HSD17B2: variants seen among roughly 807,000 people sequenced by gnomAD.
HSD17B2 encodes the protein 17-beta-hydroxysteroid dehydrogenase type 2.
HSD17B2 carries 32 observed loss-of-function variants against 26.9 expected under a neutral mutation model. The ratio of observed to expected loss-of-function variants is 1.19; its 90% CI spans 0.90 to 1.60. The LOEUF is 1.60. HSD17B2 is among the 40% of genes most tolerant of loss of function. The pLI is 0.00. For synonymous variants in HSD17B2, 246 were observed against 186.7 expected (o/e 1.32, Z -2.59); for missense variants, 613 against 468.6 (o/e 1.31, Z -2.85).
At chr16:82,091,825 G>A (rs966033234) in intron 4 of HSD17B2, 1 of 152,194 alleles carries the variant, frequency 6.6e-6, no homozygotes, top group Non-Finnish European at 1.5e-5. Flanking sequence ...CTCCATGTAT[G>A]GCTTCACCCC....
At chr16:82,080,275 G>A (rs1018067481) in intron 3 of HSD17B2, among the ~76,000 whole-genome samples, 3 of 152,186 alleles carry the variant, frequency 2.0e-5, no homozygotes, top group Admixed American at 6.5e-5. Flanking sequence ...GTTACCTCAC[G>A]TGGCAAATGG....
At chr16:82,038,004 T>A (rs1178313259) in intron 1 of HSD17B2, among the ~76,000 whole-genome samples, 4 of 152,248 alleles carry the variant, frequency 2.6e-5, no homozygotes, top group Non-Finnish European at 5.9e-5. Context: ...TTTTCTCTCC[T>A]GGATTTCAAA....
chr16:82,097,009 T>G (rs28720979), intron 4 of HSD17B2: 6 of 151,956 alleles, frequency 3.9e-5, no homozygotes, highest in African/African-American at 1.4e-4. Context: ...TGTTTTGTTT[T>G]TTTTTTTCTT....
intron 1 of HSD17B2, among the ~76,000 whole-genome samples, chr16:82,051,833 A>C (rs1231219910): frequency 6.6e-6 from 1 of 152,236 alleles, no homozygotes; most frequent in Non-Finnish European, 1.5e-5. Flanking sequence ...GATAATTAAC[A>C]TCTCAGAGCC....
intron 1 of HSD17B2, among the ~76,000 whole-genome samples, chr16:82,055,092 C>G (rs1029783110): frequency 3.9e-5 from 6 of 152,228 alleles, no homozygotes; most frequent in African/African-American, 1.4e-4. Context: ...CAGACATTGT[C>G]AAATGTTCCC....
intron 3 of HSD17B2, among the ~76,000 whole-genome samples, chr16:82,075,323 TTAG>T (rs1023397029): frequency 1.4e-4 from 21 of 151,720 alleles, no homozygotes; most frequent in Admixed American, 2.6e-4. Flanking sequence ...AACCTCAAAA[TTAG>T]TAGAAGAAAA....
At chr16:82,072,942 G>A (rs1398503068) in intron 3 of HSD17B2, among the ~76,000 whole-genome samples, 1 of 152,156 alleles carries the variant, frequency 6.6e-6, no homozygotes, top group South Asian at 2.1e-4. Flanking sequence ...GCATGTGCCT[G>A]TAGTCCCAGC....
intron 4 of HSD17B2, chr16:82,096,898 A>G (rs1284581895): frequency 6.6e-6 from 1 of 152,336 alleles, no homozygotes; most frequent in Non-Finnish European, 1.5e-5. Flanking sequence ...TTCCATTTAT[A>G]TAAATGTTCA....
At chr16:82,075,347 A>T (rs185304839) in intron 3 of HSD17B2, among the ~76,000 whole-genome samples, 290 of 152,276 alleles carry the variant, frequency 1.9e-3, no homozygotes, top group African/African-American at 6.7e-3. Flanking sequence ...GAAATCATAA[A>T]TATTAGAGCA....
At chr16:82,093,407 T>G (rs887169374) in intron 4 of HSD17B2, 1 of 152,232 alleles carries the variant, frequency 6.6e-6, no homozygotes, top group Non-Finnish European at 1.5e-5. Context: ...ATATTCTGAT[T>G]AGACAATTTA....
chr16:82,035,692 A>C lies in HSD17B2; in HGVS notation c.265+3A>C. 1.2e-6 allele frequency: 2 copies of C among 1,612,856 alleles called. No individual in the cohort carries two copies. The highest frequency in any genetic ancestry group is 1.7e-6 in the Non-Finnish European group (2 of 1,179,288). ...TCAGAAGGCAGTCCTGGTGACAGGT[A>C]AGCAGACGGTGCTACAATTTTCACT... On this transcript the variant is annotated splice_donor_region_variant and intron_variant, in intron 1 of 4. Transcript: ENST00000199936.
intron 3 of HSD17B2, among the ~76,000 whole-genome samples, chr16:82,086,816 C>T (rs1904541156): frequency 6.6e-6 from 1 of 152,178 alleles, no homozygotes. Context: ...CACAGTTATG[C>T]AGTTTAGAAG....
chr16:82,043,280 T>A (rs1051716801), intron 1 of HSD17B2, among the ~76,000 whole-genome samples: 2 of 152,156 alleles, frequency 1.3e-5, no homozygotes, highest in African/African-American at 2.4e-5. Context: ...TCTGGCCACA[T>A]GCAAGGGGTC....
At chr16:82,057,387 C>G (rs1384258785) in intron 1 of HSD17B2, among the ~76,000 whole-genome samples, 4 of 152,048 alleles carry the variant, frequency 2.6e-5, no homozygotes, top group African/African-American at 9.7e-5. Flanking sequence ...TTAGTAGAGA[C>G]GGGGTTTCAC....
intron 1 of HSD17B2, among the ~76,000 whole-genome samples, chr16:82,038,965 T>A (rs900734584): frequency 6.6e-6 from 1 of 152,042 alleles, no homozygotes; most frequent in Non-Finnish European, 1.5e-5. Context: ...CTGTTCCCCC[T>A]TGGTTGTGGG....
In HSD17B2 at chr16:82,035,333, C is replaced by G; in HGVS notation, c.-92C>G. ...TGCTTTCTCCCCTCCCTTCTTGACTCTCTGTTCACAGAACTCAGGCTGCCT... is the reference window on the plus strand; with the variant it reads ...TGCTTTCTCCCCTCCCTTCTTGACTGTCTGTTCACAGAACTCAGGCTGCCT... On this transcript the variant is annotated 5_prime_UTR_variant, in exon 1 of 5. Coordinates refer to ENST00000199936, the MANE Select transcript of HSD17B2 (RefSeq NM_002153.3). 3.2e-6 allele frequency: 4 copies of G among 1,263,296 alleles called. No individual in the cohort carries two copies. The highest frequency in any genetic ancestry group is 4.5e-6 in the Non-Finnish European group (4 of 898,714). 78.3% of individuals were successfully genotyped at this position (1,263,296 alleles called of 1,614,324 possible). A position where few individuals can be genotyped will look rare whatever the true frequency, so the allele number is the denominator to read the frequency against.
chr16:82,039,428 G>A (rs1360622022), intron 1 of HSD17B2, among the ~76,000 whole-genome samples: 1 of 151,466 alleles, frequency 6.6e-6, no homozygotes, highest in African/African-American at 2.4e-5. Context: ...GAACATGAAG[G>A]AACAAAAAGA....
chr16:82,095,339 C>A (rs935194027), intron 4 of HSD17B2: 3 of 152,202 alleles, frequency 2.0e-5, no homozygotes, highest in African/African-American at 7.2e-5. Context: ...TTTGCATTTC[C>A]ATAAGTATAA....
At chr16:82,081,787 G>A (rs962008727) in intron 3 of HSD17B2, among the ~76,000 whole-genome samples, 1 of 151,946 alleles carries the variant, frequency 6.6e-6, no homozygotes, top group Non-Finnish European at 1.5e-5. Context: ...TTAAGTTCTG[G>A]GGTACATGTG....
Sources: gnomAD v4.1 joint callset for allele counts (sites outside exome capture counted in the v4.1 genomes callset) on GRCh38, gnomAD v4.1.1 for gene constraint, MANE v1.5 for transcripts, NCBI Gene and HGNC (gene_info 2026-07-23, HGNC 2026-07-21) for gene names.